The following SMG6 variants were observed in gnomAD, a reference collection of about 807,000 sequenced individuals.
SMG6 encodes telomerase-binding protein EST1A.
Under a neutral mutation model 142.2 loss-of-function variants are expected in SMG6, and 66 were observed. The observed-to-expected ratio is 0.46, with a 90% CI of 0.38 to 0.57. SMG6 has a LOEUF of 0.57. SMG6 is among the 20% of genes least tolerant of loss of function. The probability of loss-of-function intolerance (pLI) is 0.00; values close to 1 mark genes in which losing one functional copy is unlikely to be tolerated. For missense variants in SMG6, 1,793 were observed against 1,832.0 expected (o/e 0.98, Z 0.39); for synonymous variants, 779 against 702.4 (o/e 1.11, Z -1.72).
At chr17:2,166,754 T>A (rs1432151865) in intron 13 of SMG6, among the ~76,000 whole-genome samples, 1 of 152,222 alleles carries the variant, frequency 6.6e-6, no homozygotes, top group African/African-American at 2.4e-5. Flanking sequence ...CCACTGCTCC[T>A]GACCTTCAAC....
At position 2,222,304 on chromosome 17, in the gene SMG6, G is replaced by C. The variant is rs115203215; in HGVS notation, c.2869+14188C>G. On this transcript the variant is annotated intron_variant, in intron 10 of 18. Transcript: ENST00000263073. The stretch of plus-strand genomic sequence containing the variant: ...AGTAGAATGCAGCAGTGTTAAATAG[G>C]ATGGTTGGGGCAGGTCTCACAGAAG... Among the ~76,000 whole-genome samples, 188 of 152,028 alleles carry C rather than the reference G, an allele frequency of 1.2e-3. 2 individuals carry two copies. The East Asian group carries it at 0.017, about 14-fold the overall frequency.
intron 13 of SMG6, among the ~76,000 whole-genome samples, chr17:2,140,189 A>G (rs2070432891): frequency 6.6e-6 from 1 of 152,120 alleles, no homozygotes; most frequent in South Asian, 2.1e-4. Flanking sequence ...CAAACTCCCA[A>G]GTAGCTGGGA....
In SMG6 at chr17:2,299,480, G is replaced by C. The variant is rs777979037; in HGVS notation, c.1273C>G (p.Pro425Ala). 1 of 1,614,132 alleles carries C rather than the reference G, an allele frequency of 6.2e-7. No homozygotes were observed. The highest frequency in any genetic ancestry group is 1.7e-5 in the Admixed American group (1 of 60,014). Residue 425 changes from proline (P) to alanine (A), a missense_variant, in exon 2 of 19, where the codon CCA becomes GCA. By Grantham distance (27) the Pro-to-Ala change is conservative. Around this residue, in one of 3 missense-constraint regions of SMG6, gnomAD observed 1,597 missense variants for 1,584.6 expected, o/e 1.01. Transcript: ENST00000263073. This position sits in a 1 kb window ranked among gnomAD's most constrained non-coding sequence, Gnocchi z 4.3. Reference protein sequence around the residue: ...TTLSVNSAGSPESAPLGPRLL... With the variant: ...TTLSVNSAGSAESAPLGPRLL... ...CGAGGTCCCAAAGGCGCGGACTCTGGAGAACCTGCTGAATTGACAGATAGG... is the reference window on the plus strand; with the variant it reads ...CGAGGTCCCAAAGGCGCGGACTCTGCAGAACCTGCTGAATTGACAGATAGG...
chr17:2,186,554 G>T, intron 12 of SMG6, 109 bp downstream of exon 12: 1 of 1,249,278 alleles, frequency 8.0e-7, no homozygotes, highest in Non-Finnish European at 1.1e-6. Context: ...GAAATAGAGA[G>T]GCAGGCAGGC....
chr17:2,222,921 C>T (rs2073218113), intron 10 of SMG6, among the ~76,000 whole-genome samples: 2 of 152,180 alleles, frequency 1.3e-5, no homozygotes, highest in Admixed American at 6.5e-5. Context: ...TTTTCCTCTG[C>T]TCATTGCCCT....
chr17:2,068,611 GATT>G lies in SMG6; in HGVS notation c.3835+164_3835+166del, dbSNP rs1291123759. Among the ~76,000 whole-genome samples, 26 of 152,372 alleles carry G rather than the reference GATT, an allele frequency of 1.7e-4. No homozygotes were observed. The highest frequency in any genetic ancestry group is 6.5e-5 in the Admixed American group (1 of 15,310). On this transcript the variant is annotated intron_variant, in intron 16 of 18. Coordinates refer to ENST00000263073, the MANE Select transcript of SMG6 (RefSeq NM_017575.5). This position sits in a 1 kb window ranked among gnomAD's most constrained non-coding sequence, Gnocchi z 6.7. ...CAGCCATGAGAATGTGAACTACTTT[GATT>G]ATTAAACAGTTTTCTTTGCCCCACG...
intron 4 of SMG6, among the ~76,000 whole-genome samples, chr17:2,296,444 A>G (rs1022033707): frequency 1.3e-5 from 2 of 152,134 alleles, no homozygotes; most frequent in African/African-American, 2.4e-5. Context: ...TCAACACTCT[A>G]TATCAGGGGT....
chr17:2,268,967 G>C (rs868371605), intron 8 of SMG6, among the ~76,000 whole-genome samples: 4 of 150,358 alleles, frequency 2.7e-5, no homozygotes, highest in African/African-American at 4.9e-5. Flanking sequence ...CACTTTGGGA[G>C]GCCGAGGCGG....
At chr17:2,163,120 A>G (rs1597497330) in intron 13 of SMG6, among the ~76,000 whole-genome samples, 1 of 150,232 alleles carries the variant, frequency 6.7e-6, no homozygotes, top group East Asian at 2.0e-4. Flanking sequence ...GTGTGAGCCA[A>G]CATGCCTGGC....
intron 15 of SMG6, among the ~76,000 whole-genome samples, chr17:2,081,076 A>G (rs1010362332): frequency 6.6e-6 from 1 of 152,186 alleles, no homozygotes; most frequent in African/African-American, 2.4e-5. Context: ...GCCAAAGGAC[A>G]GGGTTGGAAA....
Position 2,085,810 on chromosome 17 carries a change from C to T in SMG6, c.3449G>A (p.Gly1150Asp), listed in dbSNP as rs1271882810. The change falls in exon 14 of 19, where the codon GGT (glycine) becomes GAT (aspartate). Residue 1150 changes from glycine to aspartate, a missense_variant. Around this residue, in one of 3 missense-constraint regions of SMG6, gnomAD observed 1,597 missense variants for 1,584.6 expected, o/e 1.01. Transcript: ENST00000263073. This position sits in a 1 kb window ranked among gnomAD's most constrained non-coding sequence, Gnocchi z 4.1. ...GQEEPLLAFK[G>D]GKYVSVAPVP... The stretch of plus-strand genomic sequence containing the variant: ...GGGTGCCACTGACACATACTTTCCA[C>T]CCTTGAATGCCAGCAGAGGCTCTTC... The T allele has an allele frequency of 6.2e-7, 1 of 1,614,054 alleles. No homozygotes were observed. The highest frequency in any genetic ancestry group is 1.3e-5 in the African/African-American group (1 of 74,954).
chr17:2,248,810 A>G (rs1023524184), intron 8 of SMG6, among the ~76,000 whole-genome samples: 1 of 152,242 alleles, frequency 6.6e-6, no homozygotes, highest in Non-Finnish European at 1.5e-5. Context: ...GATTTGTTAC[A>G]TATTGATCAA....
At chr17:2,182,360 G>A (rs770669539) in intron 12 of SMG6, among the ~76,000 whole-genome samples, 24 of 152,150 alleles carry the variant, frequency 1.6e-4, no homozygotes, top group Admixed American at 7.2e-4. Context: ...GCTTCAGCCT[G>A]GAGTGCATTT....
At chr17:2,127,620 T>C in intron 13 of SMG6, 1 of 575,790 alleles carries the variant, frequency 1.7e-6, no homozygotes, top group Non-Finnish European at 3.4e-6. Flanking sequence ...CTGTTCTCAA[T>C]TCCAGCAGCT....
rs78727786 is a variant in SMG6, at chr17:2,284,555, T to C, written c.2338-820A>G. ...CTTTCTCACTTTTTCTCCAACTTCA[T>C]GTACATTTTCAATGTTTTCCATAAC... On this transcript the variant is annotated intron_variant, in intron 6 of 18. Coordinates refer to ENST00000263073, the MANE Select transcript of SMG6 (RefSeq NM_017575.5). Among the ~76,000 whole-genome samples the C allele has an allele frequency of 1.7e-3, 258 of 152,312 alleles. 9 individuals carry two copies. In the East Asian group the frequency reaches 0.026, roughly 15 times the overall value.
intron 10 of SMG6, among the ~76,000 whole-genome samples, chr17:2,216,512 T>G (rs1427031068): frequency 1.3e-5 from 2 of 152,232 alleles, no homozygotes; most frequent in African/African-American, 4.8e-5. Flanking sequence ...ATTAACATTT[T>G]GCAAGGCACA....
At chr17:2,263,314 T>C (rs2074355374) in intron 8 of SMG6, among the ~76,000 whole-genome samples, 1 of 152,180 alleles carries the variant, frequency 6.6e-6, no homozygotes, top group Non-Finnish European at 1.5e-5. Context: ...AATCCTTCTC[T>C]AGGTCTCTTT....
chr17:2,127,868 T>C (rs2069952864), intron 13 of SMG6: 1 of 561,224 alleles, frequency 1.8e-6, no homozygotes, highest in Middle Eastern at 3.2e-4. Context: ...ATCTCCTGCT[T>C]CATCTTGGTG....
At position 2,082,004 on chromosome 17, in the gene SMG6, G is replaced by C. The variant is rs867145134; in HGVS notation, c.3535-48C>G. The stretch of plus-strand genomic sequence containing the variant: ...GGACAAAGAGGAGACAGTTAGCTGG[G>C]CCCATGGCTCTTACTGAACCCAACA... On this transcript the variant is annotated intron_variant, in intron 14 of 18. Coordinates refer to ENST00000263073, the MANE Select transcript of SMG6 (RefSeq NM_017575.5). 9.3e-6 allele frequency: 15 copies of C among 1,606,146 alleles called. No individual in the cohort carries two copies. In the Middle Eastern group the frequency reaches 2.5e-3, roughly 266 times the overall value.
Sources: allele counts gnomAD v4.1 joint callset (sites outside exome capture counted in the v4.1 genomes callset), GRCh38; gene constraint gnomAD v4.1.1; regional missense constraint gnomAD v4.1.1; non-coding constraint Gnocchi (gnomAD v3.1); transcripts MANE v1.5; gene names NCBI Gene and HGNC (gene_info 2026-07-23, HGNC 2026-07-21).